TAF1: variants seen among roughly 807,000 people sequenced by gnomAD.
The protein encoded by TAF1 is TATA-box binding protein associated factor 1.
Under a neutral mutation model 138.5 loss-of-function variants are expected in TAF1, and 2 were observed. The ratio of observed to expected loss-of-function variants is 0.01; its 90% confidence interval spans 0.01 to 0.05. The LOEUF (loss-of-function observed/expected upper bound fraction) is 0.05, where lower values mean the gene tolerates loss of function less well. TAF1 is among the 10% of genes least tolerant of loss of function. The probability of loss-of-function intolerance (pLI) is 1.00; values close to 1 mark genes in which losing one functional copy is unlikely to be tolerated. For missense variants in TAF1, 709 were observed against 1,478.0 expected (o/e 0.48, Z 8.53); for synonymous variants, 437 against 503.2 (o/e 0.87, Z 1.76).
At chrX:71,406,940 G>A (rs1232530740) in intron 26 of TAF1, among the ~76,000 whole-genome samples, 194 bp downstream of exon 26, 1 of 105,103 alleles carries the variant, frequency 9.5e-6, no homozygotes, top group African/African-American at 3.5e-5. Context: ...TTTTGAGACG[G>A]AATCTCACTC....
intron 13 of TAF1, among the ~76,000 whole-genome samples, chrX:71,502,893 G>A (rs779547250): frequency 1.5e-4 from 16 of 109,349 alleles, no homozygotes; most frequent in Admixed American, 1.1e-3. Flanking sequence ...AGCCAAGATC[G>A]CACCACTGCA....
intron 13 of TAF1, among the ~76,000 whole-genome samples, chrX:71,519,698 TTA>T (rs1285632225): frequency 1.8e-5 from 2 of 111,390 alleles, no homozygotes; most frequent in East Asian, 5.5e-4. Context: ...TATAAAAAGG[TTA>T]AAGAGTATTA....
chrX:71,507,293 T>C (rs2039645816), intron 13 of TAF1, among the ~76,000 whole-genome samples: 1 of 111,859 alleles, frequency 8.9e-6, no homozygotes, highest in Non-Finnish European at 1.9e-5. Flanking sequence ...GGCAGTGACA[T>C]GATCAGGGCT....
chrX:71,402,043 G>T (rs1452074341), intron 25 of TAF1, among the ~76,000 whole-genome samples: 1 of 111,982 alleles, frequency 8.9e-6, no homozygotes, highest in African/African-American at 3.2e-5. Flanking sequence ...ACAGTACAGT[G>T]CCTGACATAT....
intron 28 of TAF1, among the ~76,000 whole-genome samples, chrX:71,408,382 A>G (rs1026369042): frequency 1.8e-5 from 2 of 110,455 alleles, no homozygotes; most frequent in Admixed American, 9.6e-5. Flanking sequence ...CAGTGGCGCA[A>G]TCTTGGCTCA....
downstream of TAF1, among the ~76,000 whole-genome samples, chrX:71,469,465 G>C (rs2038840089): frequency 9.1e-6 from 1 of 110,172 alleles, no homozygotes; most frequent in Non-Finnish European, 1.9e-5. Context: ...CGGCCGAGGA[G>C]GGAGGCTTGA....
At position 71,424,018 on chromosome X, in the gene TAF1, T is replaced by C. The variant is rs755956262; in HGVS notation, c.4620T>C (p.Asp1540=). ...CAGTTAATAAGAAATTTGTTCCAGA[T>C]TATTACAAAGTGATTGTCAATCCAA... ...HHPVNKKFVP[D]YYKVIVNPMD... is the part of the protein sequence containing the mutation. The change falls in exon 31 of 38, where the codon GAT becomes GAC. Residue 1540 remains aspartate (D), a synonymous_variant. Transcript: ENST00000423759. 3.3e-6 allele frequency: 4 copies of C among 1,209,867 alleles called. No individual in the cohort carries two copies. The highest frequency in any genetic ancestry group is 4.5e-6 in the Non-Finnish European group (4 of 894,841).
intron 24 of TAF1, among the ~76,000 whole-genome samples, chrX:71,399,567 C>CTTT (rs35622645): frequency 2.1e-4 from 6 of 28,936 alleles, no homozygotes; most frequent in Non-Finnish European, 2.3e-4. Context: ...GTTATTTATT[C>CTTT]TTTTTTTTTT....
In TAF1 at chrX:71,416,980, C is replaced by T. The variant is rs1360522026; in HGVS notation, c.4385-4329C>T. On this transcript the variant is annotated intron_variant, in intron 28 of 37. Coordinates refer to ENST00000423759, the MANE Select transcript of TAF1 (RefSeq NM_004606.5). ...AGTCAGGAGTTCAAGACCAGCCTGG[C>T]CAACACTCCAACCTGAGTGACAGAG... Among the ~76,000 whole-genome samples the T allele has an allele frequency of 1.0e-4, 10 of 97,139 alleles. 1 individual carries two copies. Among genetic ancestry groups the T allele is most frequent in the African/African-American group, 3.9e-4 (10 of 25,877 alleles). The allele number at this position is 97,139 out of a possible 115,157, so 84.4% of individuals were successfully genotyped here.
At chrX:71,481,953 C>A (rs1235589377) in intron 13 of TAF1, among the ~76,000 whole-genome samples, 1 of 112,040 alleles carries the variant, frequency 8.9e-6, no homozygotes, top group Non-Finnish European at 1.9e-5. Context: ...TTGTTTTTCT[C>A]ATATAAGAAG....
chrX:71,388,441 A>G, intron 16 of TAF1, 63 bp downstream of exon 16: 1 of 1,161,782 alleles, frequency 8.6e-7, no homozygotes, highest in South Asian at 2.0e-5. Context: ...GATGGCTTTG[A>G]GTTAAAGGAT....
At position 71,455,809 on chromosome X, in the gene TAF1, T is replaced by G. The variant is rs28382203; in HGVS notation, c.4938+952T>G. On this transcript the variant is annotated intron_variant, in intron 34 of 37. Coordinates refer to ENST00000423759, the MANE Select transcript of TAF1 (RefSeq NM_004606.5). ...TCTGCCAATTCCCACAGGAAAATTTTTTTTCATTCTATCCAGGTTTCCCTC... is the reference window on the plus strand; with the variant it reads ...TCTGCCAATTCCCACAGGAAAATTTGTTTTCATTCTATCCAGGTTTCCCTC... Among the ~76,000 whole-genome samples, 705 of 112,529 alleles carry G rather than the reference T, an allele frequency of 6.3e-3. 8 individuals carry two copies. The highest frequency in any genetic ancestry group is 0.022 in the African/African-American group (676 of 31,025).
At position 71,383,119 on chromosome X, in the gene TAF1, C is replaced by A. The variant is rs1378111835; in HGVS notation, c.1902C>A (p.Pro634=). Reference sequence around the variant, plus strand: ...TTGGTGCACTTTCTCAGCCAGGTCCCCACTCAGTCCAACCTTTGCTAAAGC... The same window carrying A: ...TTGGTGCACTTTCTCAGCCAGGTCCACACTCAGTCCAACCTTTGCTAAAGC... ...YSFGALSQPG[P]HSVQPLLKHI... The change falls in exon 12 of 38, where the codon CCC becomes CCA. Residue 634 remains proline (P), a synonymous_variant. Coordinates refer to ENST00000423759, the MANE Select transcript of TAF1 (RefSeq NM_004606.5). The A allele has an allele frequency of 2.5e-6, 3 of 1,208,896 alleles. No individual in the cohort carries two copies. The highest frequency in any genetic ancestry group is 3.4e-6 in the Non-Finnish European group (3 of 895,140).
chrX:71,414,093 C>T (rs1427345608), intron 28 of TAF1: 1 of 95,160 alleles, frequency 1.1e-5, no homozygotes, highest in African/African-American at 3.9e-5. Context: ...GCATTCTTCC[C>T]TTGTAGTCCT....
intron 34 of TAF1, among the ~76,000 whole-genome samples, chrX:71,456,420 C>T (rs1256136677): frequency 1.8e-5 from 2 of 111,097 alleles, no homozygotes; most frequent in African/African-American, 6.5e-5. Context: ...TCATCATTCC[C>T]TTCACTCACA....
chrX:71,507,542 TA>T (rs1569410939), intron 13 of TAF1, among the ~76,000 whole-genome samples: 1 of 109,858 alleles, frequency 9.1e-6, no homozygotes, highest in Non-Finnish European at 1.9e-5. Context: ...ACCAATTTTT[TA>T]AAAAGAGGAA....
downstream of TAF1, among the ~76,000 whole-genome samples, chrX:71,467,941 T>C (rs2038799318): frequency 8.9e-6 from 1 of 112,027 alleles, no homozygotes; most frequent in African/African-American, 3.2e-5. Context: ...TGAAAGCTAT[T>C]TGACACCGTG....
At chrX:71,524,674 G>T (rs1277175157) in intron 13 of TAF1, among the ~76,000 whole-genome samples, 1 of 109,398 alleles carries the variant, frequency 9.1e-6, no homozygotes, top group Non-Finnish European at 1.9e-5. Flanking sequence ...TGGGTGTGGT[G>T]GCTCACGCCT....
intron 13 of TAF1, among the ~76,000 whole-genome samples, chrX:71,480,322 G>A (rs973790648): frequency 1.8e-5 from 2 of 111,526 alleles, no homozygotes; most frequent in Admixed American, 9.6e-5. Flanking sequence ...TTGAGCCCAG[G>A]AGTTTGAGGT....
Sources: gnomAD v4.1 joint callset for allele counts (sites outside exome capture counted in the v4.1 genomes callset) on GRCh38, gnomAD v4.1.1 for gene constraint, MANE v1.5 for transcripts, NCBI Gene and HGNC (gene_info 2026-07-23, HGNC 2026-07-21) for gene names.